ZNF608: variants seen among roughly 807,000 people sequenced by gnomAD.
ZNF608 encodes renal carcinoma antigen NY-REN-36.
A neutral mutation model predicts 109.0 loss-of-function variants in ZNF608; 12 were observed. The ratio of observed to expected loss-of-function variants is 0.11; its 90% CI spans 0.07 to 0.18. The LOEUF (loss-of-function observed/expected upper bound fraction) is 0.18. ZNF608 is among the 10% of genes least tolerant of loss of function. ZNF608 has a pLI of 1.00. For synonymous variants in ZNF608, 732 were observed against 717.4 expected, an observed-to-expected ratio of 1.02 and a Z score of -0.33; for missense variants, 1,707 against 1,879.3, an observed-to-expected ratio of 0.91 and a Z score of 1.70.
intron 2 of ZNF608, among the ~76,000 whole-genome samples, chr5:124,727,793 G>A (rs1748685009): frequency 7.0e-6 from 1 of 142,640 alleles, no homozygotes; most frequent in Non-Finnish European, 1.5e-5. Flanking sequence ...AGGCTAGAGT[G>A]CAATGGCATG....
chr5:124,681,242 C>T (rs1024093319), intron 3 of ZNF608, among the ~76,000 whole-genome samples: 1 of 152,182 alleles, frequency 6.6e-6, no homozygotes, highest in Admixed American at 6.5e-5. Flanking sequence ...CACTTGAGGT[C>T]AGGAGTTTGA....
At position 124,637,711 on chromosome 5, in the gene ZNF608, A is replaced by G. The variant is rs1750040405; in HGVS notation, c.*189T>C. 2.6e-6 allele frequency: 1 copy of G among 390,866 alleles called. No homozygotes were observed. The highest frequency in any genetic ancestry group is 4.5e-5 in the Admixed American group (1 of 22,214). The allele number at this position is 390,866 out of a possible 1,614,324, so 24.2% of individuals were successfully genotyped here. A position where few individuals can be genotyped will look rare whatever the true frequency, so the allele number is the denominator to read the frequency against. On this transcript the variant is annotated 3_prime_UTR_variant, in exon 10 of 10. Transcript: ENST00000513986. ...TATATACAGATATGTATACGTATAT[A>G]TATATAAAACAGAAGTTTAATTACA...
chr5:124,685,905 G>A (rs1399309992), intron 3 of ZNF608, among the ~76,000 whole-genome samples: 1 of 152,194 alleles, frequency 6.6e-6, no homozygotes, highest in African/African-American at 2.4e-5. Context: ...TATAGATGGT[G>A]ATGCTAAATC....
intron 2 of ZNF608, among the ~76,000 whole-genome samples, chr5:124,728,767 G>T (rs1427727637): frequency 2.0e-5 from 3 of 152,092 alleles, no homozygotes. Flanking sequence ...TCTAGTGCAA[G>T]AAATATATCC....
rs2149776286 is a variant in ZNF608, at chr5:124,636,935, T to C, written c.*965A>G. ...AGCCATTATTTAAAAAAAAAAAAACTTTTTAATTCTGATTGCCAAATTATT... is the reference window on the plus strand; with the variant it reads ...AGCCATTATTTAAAAAAAAAAAAACCTTTTAATTCTGATTGCCAAATTATT... On this transcript the variant is annotated 3_prime_UTR_variant, in exon 10 of 10. Coordinates refer to ENST00000513986, the MANE Select transcript of ZNF608 (RefSeq NM_020747.3). The C allele has an allele frequency of 6.7e-6, 1 of 149,292 alleles. No homozygotes were observed. The highest frequency in any genetic ancestry group is 2.0e-4 in the East Asian group (1 of 4,944). 9.2% of individuals were successfully genotyped at this position (149,292 alleles called of 1,614,324 possible).
At chr5:124,672,042 C>G (rs900385782) in intron 3 of ZNF608, among the ~76,000 whole-genome samples, 1 of 152,134 alleles carries the variant, frequency 6.6e-6, no homozygotes, top group South Asian at 2.1e-4. Flanking sequence ...AAGAAAGTAT[C>G]CAGGAAAAAC....
Position 124,648,007 on chromosome 5 carries a change from T to C in ZNF608, c.2377A>G (p.Thr793Ala), listed in dbSNP as rs1214358358. 1 of 1,614,214 alleles carries C rather than the reference T, an allele frequency of 6.2e-7. No homozygotes were observed. The highest frequency in any genetic ancestry group is 2.2e-5 in the East Asian group (1 of 44,882). Residue 793 changes from threonine (T) to alanine (A), a missense_variant, in exon 5 of 10, where the codon ACA becomes GCA. By Grantham distance (58) the Thr-to-Ala change is moderately conservative. This residue lies in a region of ZNF608 where 1,073 missense variants were observed against 1,133.5 expected (regional missense o/e 0.95). Coordinates refer to ENST00000513986, the MANE Select transcript of ZNF608 (RefSeq NM_020747.3). The part of the protein sequence containing the change: ...PPLKPIQPKP[T>A]IMGEPITVNP... ...ACGGTGATGGGCTCTCCCATAATTG[T>C]GGGCTTTGGTTGAATGGGTTTTAAC...
intron 2 of ZNF608, among the ~76,000 whole-genome samples, chr5:124,723,198 A>G (rs536038233): frequency 4.6e-4 from 70 of 152,048 alleles, no homozygotes; most frequent in African/African-American, 1.6e-3. Flanking sequence ...TCCCAGCTAC[A>G]AGGTTTCTCC....
chr5:124,724,888 C>T (rs1754077201), intron 2 of ZNF608, among the ~76,000 whole-genome samples: 1 of 152,156 alleles, frequency 6.6e-6, no homozygotes, highest in African/African-American at 2.4e-5. Flanking sequence ...ACGTTTAGAA[C>T]TTAAGTCACA....
At chr5:124,649,180 C>G (rs369470709) in intron 4 of ZNF608, 47 bp from the exon 5 acceptor site, 1 of 1,476,068 alleles carries the variant, frequency 6.8e-7, no homozygotes, top group South Asian at 1.4e-5. Context: ...CCCAAAAGAG[C>G]CAGGTGAAAT....
chr5:124,687,928 T>C (rs1420335193), intron 3 of ZNF608, among the ~76,000 whole-genome samples: 1 of 152,166 alleles, frequency 6.6e-6, no homozygotes, highest in Non-Finnish European at 1.5e-5. Flanking sequence ...GGACAGCACT[T>C]GGGCATGCCA....
chr5:124,744,001 G>C lies in ZNF608; in HGVS notation c.906+83C>G. On this transcript the variant is annotated intron_variant, in intron 2 of 9. Coordinates refer to ENST00000513986, the MANE Select transcript of ZNF608 (RefSeq NM_020747.3). This position sits in a 1 kb window ranked among gnomAD's most constrained non-coding sequence, Gnocchi z 4.5. The stretch of plus-strand genomic sequence containing the variant: ...AAGAACCAGAAAGCATAAAGTGTAA[G>C]GCACACAGAGGCACACCCCCACACA... 1 of 1,499,916 alleles carries C rather than the reference G, an allele frequency of 6.7e-7. No individual in the cohort carries two copies. The highest frequency in any genetic ancestry group is 8.9e-7 in the Non-Finnish European group (1 of 1,121,172). 92.9% of individuals were successfully genotyped at this position (1,499,916 alleles called of 1,614,324 possible).
chr5:124,725,539 G>C (rs552591331), intron 2 of ZNF608, among the ~76,000 whole-genome samples: 2 of 152,146 alleles, frequency 1.3e-5, no homozygotes, highest in South Asian at 4.2e-4. Flanking sequence ...TTTGCTGTCA[G>C]AACACAAAAT....
rs780339980 is a variant in ZNF608, at chr5:124,648,429, A to G, written c.1955T>C (p.Ile652Thr). ...AGAATTCTTCCCAGCTTTAGCACCA[A>G]TAATGGAACCTGGGCCATTGCTCAT... ...ELMSNGPGSI[I>T]GAKAGKNSGK... Residue 652 changes from isoleucine (I) to threonine (T), a missense_variant, in exon 5 of 10, where the codon ATT (isoleucine) becomes ACT (threonine). Coordinates refer to ENST00000513986, the MANE Select transcript of ZNF608 (RefSeq NM_020747.3). 11 of 1,614,148 alleles carry G rather than the reference A, an allele frequency of 6.8e-6. No homozygotes were observed. Among genetic ancestry groups the G allele is most frequent in the Non-Finnish European group, 4.2e-6 (5 of 1,180,020 alleles).
intron 6 of ZNF608, 92 bp downstream of exon 6, chr5:124,644,152 T>C: frequency 8.5e-7 from 1 of 1,182,572 alleles, no homozygotes; most frequent in South Asian, 1.7e-5. Flanking sequence ...CAAATGTCAC[T>C]CTTGAAGCTT....
chr5:124,720,666 T>C (rs898983280), intron 2 of ZNF608, among the ~76,000 whole-genome samples: 1 of 152,158 alleles, frequency 6.6e-6, no homozygotes, highest in Non-Finnish European at 1.5e-5. Flanking sequence ...TCAACAACAA[T>C]TATGGCTATG....
At chr5:124,703,642 C>T (rs1753144199) in intron 2 of ZNF608, among the ~76,000 whole-genome samples, 1 of 152,060 alleles carries the variant, frequency 6.6e-6, no homozygotes, top group African/African-American at 2.4e-5. Context: ...TGGTGGCATG[C>T]GAGTAGTCCC....
chr5:124,745,879 G>T (rs566905180), intron 1 of ZNF608: 1 of 152,674 alleles, frequency 6.5e-6, no homozygotes, highest in South Asian at 2.1e-4. Flanking sequence ...CTCTAGAAAA[G>T]ACAGTGTTAT....
At chr5:124,667,405 T>C (rs1751520970) in intron 3 of ZNF608, among the ~76,000 whole-genome samples, 1 of 152,192 alleles carries the variant, frequency 6.6e-6, no homozygotes, top group African/African-American at 2.4e-5. Context: ...AGAGTGTTCA[T>C]TCTGTGCAAG....
Sources: allele counts gnomAD v4.1 joint callset (sites outside exome capture counted in the v4.1 genomes callset), GRCh38; gene constraint gnomAD v4.1.1; regional missense constraint gnomAD v4.1.1; non-coding constraint Gnocchi (gnomAD v3.1); transcripts MANE v1.5; gene names NCBI Gene and HGNC (gene_info 2026-07-23, HGNC 2026-07-21).